CDC40: variants seen among roughly 807,000 people sequenced by gnomAD.
CDC40 encodes cell division cycle 40.
A neutral mutation model predicts 80.6 loss-of-function variants in CDC40; 27 were observed. The observed-to-expected ratio is 0.33, with a 90% CI of 0.25 to 0.46. The LOEUF (loss-of-function observed/expected upper bound fraction) is 0.46. Among genes scored for constraint, CDC40 ranks in the 20% least tolerant of loss-of-function variants. The pLI is 1.00. For missense variants in CDC40, 486 were observed against 694.1 expected (o/e 0.70, Z 3.37); for synonymous variants, 221 against 232.6 (o/e 0.95, Z 0.45).
chr6:110,228,890 C>T lies in CDC40; in HGVS notation c.1476C>T (p.Asn492=), dbSNP rs756776776. ...DNQILIFGAQ[N]RFRLNKKKIF... ...AAATCTTAATTTTTGGAGCACAGAA[C>T]AGATTTAGATTAAATAAGAAAAAAA... The change falls in exon 14 of 15, where the codon AAC becomes AAT. Residue 492 remains asparagine, a synonymous_variant. Coordinates refer to ENST00000307731, the MANE Select transcript of CDC40 (RefSeq NM_015891.3). 14 of 1,604,666 alleles carry T rather than the reference C, an allele frequency of 8.7e-6. No homozygotes were observed. In the Admixed American group the frequency reaches 2.4e-4, roughly 28 times the overall value.
chr6:110,197,661 T>A (rs1030537159), intron 2 of CDC40, among the ~76,000 whole-genome samples: 3 of 147,348 alleles, frequency 2.0e-5, no homozygotes, highest in African/African-American at 7.6e-5. Flanking sequence ...ACTTTTTGAA[T>A]CCCACATGTG....
chr6:110,217,216 T>C (rs1051246594), intron 9 of CDC40, among the ~76,000 whole-genome samples: 1 of 152,216 alleles, frequency 6.6e-6, no homozygotes, highest in Non-Finnish European at 1.5e-5. Flanking sequence ...TATACAATTA[T>C]TGAACAAGGG....
chr6:110,191,638 C>T (rs1167712641), intron 1 of CDC40, among the ~76,000 whole-genome samples: 1 of 152,032 alleles, frequency 6.6e-6, no homozygotes, highest in East Asian at 1.9e-4. Context: ...CATTTCATTC[C>T]AAAAGGAAAT....
At position 110,209,075 on chromosome 6, in the gene CDC40, T is replaced by G; in HGVS notation, c.491-9T>G. The G allele has an allele frequency of 6.8e-7, 1 of 1,474,014 alleles. No homozygotes were observed. The highest frequency in any genetic ancestry group is 9.2e-7 in the Non-Finnish European group (1 of 1,084,812). 91.3% of individuals were successfully genotyped at this position (1,474,014 alleles called of 1,614,324 possible). On this transcript the variant is annotated splice_polypyrimidine_tract_variant and intron_variant, in intron 4 of 14. Transcript: ENST00000307731. ...AGTTTTTTTTTTAATTTTTTTTTTG[T>G]TAACGTAGGTTTAACTGTATTTGAA...
intron 3 of CDC40, among the ~76,000 whole-genome samples, chr6:110,204,820 T>A (rs1454038339): frequency 2.6e-5 from 4 of 151,866 alleles, no homozygotes; most frequent in Non-Finnish European, 5.9e-5. Flanking sequence ...CGACCACACA[T>A]AGCTAATGTT....
chr6:110,197,839 C>G (rs1246404039), intron 2 of CDC40, among the ~76,000 whole-genome samples: 1 of 152,102 alleles, frequency 6.6e-6, no homozygotes, highest in Non-Finnish European at 1.5e-5. Context: ...ACATTGACAG[C>G]CATTTAGGTT....
At chr6:110,213,482 C>T (rs1365086250) in intron 8 of CDC40, among the ~76,000 whole-genome samples, 7 of 151,246 alleles carry the variant, frequency 4.6e-5, no homozygotes, top group South Asian at 4.2e-4. Context: ...CTTCGCCTCC[C>T]GGGTTCATGC....
chr6:110,181,965 A>G (rs997601210), intron 1 of CDC40, among the ~76,000 whole-genome samples: 1 of 151,974 alleles, frequency 6.6e-6, no homozygotes, highest in African/African-American at 2.4e-5. Flanking sequence ...GTTTCCCAGG[A>G]CTCTGCTCTT....
intron 3 of CDC40, among the ~76,000 whole-genome samples, chr6:110,203,282 A>G (rs1487886292): frequency 1.3e-5 from 2 of 152,186 alleles, no homozygotes; most frequent in African/African-American, 4.8e-5. Context: ...AGTTTGTCCT[A>G]TAATTTTCTT....
At chr6:110,223,119 CTG>C (rs1777798691) in intron 12 of CDC40, among the ~76,000 whole-genome samples, 1 of 152,192 alleles carries the variant, frequency 6.6e-6, no homozygotes, top group African/African-American at 2.4e-5. Flanking sequence ...GGATCTCACT[CTG>C]TTGCCTAGAC....
At chr6:110,215,200 A>C in intron 8 of CDC40, 86 bp from the exon 9 acceptor site, 1 of 1,006,182 alleles carries the variant, frequency 9.9e-7, no homozygotes, top group Non-Finnish European at 1.6e-6. Flanking sequence ...ATGTGCACAC[A>C]CATAACCAGC....
chr6:110,183,969 C>T (rs1469142925), intron 1 of CDC40, among the ~76,000 whole-genome samples: 1 of 151,976 alleles, frequency 6.6e-6, no homozygotes, highest in Admixed American at 6.6e-5. Context: ...GACTTGTCTT[C>T]TCACTTTTCC....
chr6:110,195,869 A>G (rs573948650), intron 2 of CDC40, among the ~76,000 whole-genome samples: 42 of 152,306 alleles, frequency 2.8e-4, no homozygotes, highest in Admixed American at 5.2e-4. Context: ...CAAGGTGAAG[A>G]GTTTTATCTT....
At chr6:110,209,941 C>T (rs1777613058) in intron 5 of CDC40, among the ~76,000 whole-genome samples, 1 of 152,056 alleles carries the variant, frequency 6.6e-6, no homozygotes, top group Non-Finnish European at 1.5e-5. Flanking sequence ...TTTACTACTA[C>T]CCCATCTTCT....
At chr6:110,208,951 T>C (rs1039573744) in intron 4 of CDC40, 133 bp from the exon 5 acceptor site, 8 of 637,792 alleles carry the variant, frequency 1.3e-5, no homozygotes, top group Non-Finnish European at 1.6e-5. Flanking sequence ...TTTTAATAAC[T>C]CTGGGGTCAC....
rs1374587744 is a variant in CDC40 at position 110,186,309 on chromosome 6, AGAGACC to A, written c.189+5677_189+5682del. On this transcript the variant is annotated intron_variant, in intron 1 of 14. Transcript: ENST00000307731. The stretch of plus-strand genomic sequence containing the variant: ...GCCCAGGAGTTCCAGAGCAACATGG[AGAGACC>A]CTGTCTCTAGAAAAAATACAAAAAT... Among the ~76,000 whole-genome samples the A allele has an allele frequency of 1.2e-4, 18 of 152,148 alleles. No homozygotes were observed. In the East Asian group the frequency reaches 2.7e-3, roughly 23 times the overall value.
intron 7 of CDC40, 91 bp downstream of exon 7, chr6:110,212,363 T>G: frequency 7.6e-7 from 1 of 1,324,412 alleles, no homozygotes; most frequent in Middle Eastern, 1.9e-4. Context: ...ATTTAGTATT[T>G]CTGGTAAAGG....
At chr6:110,222,147 C>T (rs145879688) in intron 12 of CDC40, among the ~76,000 whole-genome samples, 12 of 151,924 alleles carry the variant, frequency 7.9e-5, no homozygotes, top group Middle Eastern at 6.9e-3. Flanking sequence ...CCCAGCTACT[C>T]GGGAGGCTGA....
intron 1 of CDC40, among the ~76,000 whole-genome samples, chr6:110,186,123 C>G (rs1040788527): frequency 1.3e-5 from 2 of 152,198 alleles, no homozygotes; most frequent in African/African-American, 4.8e-5. Flanking sequence ...ACATCCTCCA[C>G]AAGATGATGG....
Sources: allele counts gnomAD v4.1 joint callset (sites outside exome capture counted in the v4.1 genomes callset), GRCh38; gene constraint gnomAD v4.1.1; transcripts MANE v1.5; gene names NCBI Gene and HGNC (gene_info 2026-07-23, HGNC 2026-07-21).